SDK1: variants seen among roughly 807,000 people sequenced by gnomAD.
SDK1 encodes sidekick cell adhesion molecule 1.
SDK1 carries 157 observed loss-of-function variants against 245.5 expected under a neutral mutation model. The observed-to-expected ratio is 0.64, with a 90% CI of 0.56 to 0.73. SDK1 has a LOEUF of 0.73. Ranked by LOEUF, SDK1 falls within the 30% of genes least tolerant of loss-of-function variation. The probability of loss-of-function intolerance (pLI) is 0.00; values close to 1 mark genes in which losing one functional copy is unlikely to be tolerated. For synonymous variants in SDK1, 1,647 were observed against 1,278.5 expected (o/e 1.29, Z -6.15); for missense variants, 3,583 against 3,002.3 (o/e 1.19, Z -4.52).
chr7:4,205,743 G>C (rs112666644), intron 35 of SDK1, 136 bp from the exon 36 acceptor site: 1 of 718,224 alleles, frequency 1.4e-6, no homozygotes, highest in Admixed American at 2.3e-5. Flanking sequence ...AAGCCAGGGC[G>C]ACGGCCCAGG....
At chr7:3,599,945 C>T (rs1025891383) in intron 1 of SDK1, among the ~76,000 whole-genome samples, 1 of 152,122 alleles carries the variant, frequency 6.6e-6, no homozygotes, top group East Asian at 1.9e-4. Context: ...TTAGAATAAT[C>T]TTGTATATAT....
intron 4 of SDK1, among the ~76,000 whole-genome samples, chr7:3,785,565 G>C (rs773818749): frequency 6.6e-6 from 1 of 152,090 alleles, no homozygotes; most frequent in Non-Finnish European, 1.5e-5. Flanking sequence ...CAAAATATAA[G>C]AAAACATTAC....
chr7:3,327,814 C>G (rs1056960990), intron 1 of SDK1, among the ~76,000 whole-genome samples: 5 of 152,040 alleles, frequency 3.3e-5, no homozygotes, highest in African/African-American at 1.2e-4. Context: ...TTCCATACCC[C>G]AGGAATATTA....
At chr7:4,132,237 C>A in intron 27 of SDK1, 88 bp from the exon 28 acceptor site, 1 of 1,045,340 alleles carries the variant, frequency 9.6e-7, no homozygotes, top group Non-Finnish European at 1.4e-6. Flanking sequence ...GTTACTGCAG[C>A]CAGCTGACCC....
At chr7:4,060,960 G>A (rs908958819) in intron 19 of SDK1, among the ~76,000 whole-genome samples, 7 of 152,094 alleles carry the variant, frequency 4.6e-5, no homozygotes, top group African/African-American at 1.7e-4. Flanking sequence ...GTAGATATGT[G>A]GTGTTATTTC....
At chr7:3,657,180 A>T (rs543831856) in intron 4 of SDK1, among the ~76,000 whole-genome samples, 19 of 152,296 alleles carry the variant, frequency 1.2e-4, no homozygotes, top group Middle Eastern at 3.4e-3. Context: ...TGTGTGTCCC[A>T]CCCAGGGCAT....
At chr7:3,928,841 G>A (rs969309810) in intron 5 of SDK1, among the ~76,000 whole-genome samples, 1 of 152,202 alleles carries the variant, frequency 6.6e-6, no homozygotes, top group South Asian at 2.1e-4. Flanking sequence ...AGGTGGTCAG[G>A]AACTGGCTCA....
At chr7:3,553,606 A>G (rs545348576) in intron 1 of SDK1, among the ~76,000 whole-genome samples, 8 of 152,012 alleles carry the variant, frequency 5.3e-5, no homozygotes, top group Non-Finnish European at 8.8e-5. Flanking sequence ...ATTCAAATGG[A>G]AGCAAGCAAG....
At chr7:4,012,549 CTTTTTTTTTTTTTTTTTTTTTTTTTTTT>C (rs777199429) in intron 16 of SDK1, among the ~76,000 whole-genome samples, 12 of 25,960 alleles carry the variant, frequency 4.6e-4, no homozygotes, top group Admixed American at 1.2e-3. Flanking sequence ...CAATGTGAAG[CTTTTTTTTTTTTTTTTTTTTTTTTTTTT>C]TTTTTTTTTT....
At chr7:4,067,621 T>A (rs1348805972) in intron 19 of SDK1, among the ~76,000 whole-genome samples, 1 of 152,216 alleles carries the variant, frequency 6.6e-6, no homozygotes, top group East Asian at 1.9e-4. Context: ...TCCAGTGCCC[T>A]GTGTGGCTGG....
chr7:3,357,029 T>C (rs1191312252), intron 1 of SDK1, among the ~76,000 whole-genome samples: 3 of 125,044 alleles, frequency 2.4e-5, no homozygotes, highest in Non-Finnish European at 4.7e-5. Context: ...CACTCCAGCC[T>C]GGGTGACAGA....
chr7:3,712,051 G>A (rs150270401), intron 4 of SDK1, among the ~76,000 whole-genome samples: 53 of 152,330 alleles, frequency 3.5e-4, no homozygotes, highest in African/African-American at 1.2e-3. Context: ...AGTGCTTGGA[G>A]AAAAGCAAAT....
At chr7:4,021,039 C>T (rs564341357) in intron 17 of SDK1, among the ~76,000 whole-genome samples, 2 of 152,274 alleles carry the variant, frequency 1.3e-5, no homozygotes, top group South Asian at 2.1e-4. Flanking sequence ...ATCTGGGGGT[C>T]ATCTCCCTAC....
chr7:3,956,661 C>A (rs151233368), intron 7 of SDK1, among the ~76,000 whole-genome samples: 1 of 152,260 alleles, frequency 6.6e-6, no homozygotes, highest in Non-Finnish European at 1.5e-5. Context: ...GGCTGCCCCC[C>A]AGACCTTGCC....
At chr7:3,308,565 C>G (rs1779475597) in intron 1 of SDK1, among the ~76,000 whole-genome samples, 1 of 152,012 alleles carries the variant, frequency 6.6e-6, no homozygotes, top group African/African-American at 2.4e-5. Context: ...TCAGGTAAAT[C>G]TATTTCTGAT....
At chr7:3,753,117 G>A (rs1779820427) in intron 4 of SDK1, among the ~76,000 whole-genome samples, 1 of 152,136 alleles carries the variant, frequency 6.6e-6, no homozygotes, top group African/African-American at 2.4e-5. Flanking sequence ...CAAAAATTGA[G>A]AGAACTAGGA....
chr7:4,065,439 G>C (rs1350230954), intron 19 of SDK1, among the ~76,000 whole-genome samples: 3 of 143,460 alleles, frequency 2.1e-5, no homozygotes, highest in African/African-American at 8.8e-5. Context: ...CTTTGGGCAG[G>C]AATCCAGGAA....
At chr7:3,798,431 A>G (rs934660275) in intron 4 of SDK1, among the ~76,000 whole-genome samples, 6 of 151,868 alleles carry the variant, frequency 4.0e-5, no homozygotes, top group African/African-American at 1.2e-4. Context: ...GTTAGCCATG[A>G]TGGTCTTGAT....
At chr7:4,087,312 C>T (rs1311901929) in intron 22 of SDK1, among the ~76,000 whole-genome samples, 6 of 152,088 alleles carry the variant, frequency 3.9e-5, no homozygotes, top group Non-Finnish European at 8.8e-5. Context: ...ACATTAAATT[C>T]TCATACGCAC....
Sources: allele counts gnomAD v4.1 joint callset (sites outside exome capture counted in the v4.1 genomes callset), GRCh38; gene constraint gnomAD v4.1.1; transcripts MANE v1.5; gene names NCBI Gene and HGNC (gene_info 2026-07-23, HGNC 2026-07-21).